The following DAPK1 variants were observed in gnomAD, a reference collection of about 807,000 sequenced individuals.
The protein encoded by DAPK1 is death associated protein kinase 1.
In DAPK1, 56 loss-of-function variants were observed where a neutral mutation model predicts 144.9. The observed-to-expected ratio is 0.39, with a 90% confidence interval of 0.31 to 0.48. DAPK1 has a LOEUF of 0.48. Ranked by LOEUF, DAPK1 falls within the 20% of genes least tolerant of loss-of-function variation. DAPK1 has a pLI of 0.95. For missense variants in DAPK1, 1,454 were observed against 1,875.4 expected, an observed-to-expected ratio of 0.78 and a Z score of 4.15; for synonymous variants, 690 against 749.0, an observed-to-expected ratio of 0.92 and a Z score of 1.29.
At chr9:87,597,764 C>T (rs1342585857) in intron 2 of DAPK1, among the ~76,000 whole-genome samples, 1 of 152,126 alleles carries the variant, frequency 6.6e-6, no homozygotes, top group Non-Finnish European at 1.5e-5. Flanking sequence ...TGACGCCTCC[C>T]TGCCGCTCCT....
Position 87,707,219 on chromosome 9 carries a change from T to A in DAPK1, c.4148T>A (p.Leu1383Gln). 3 of 1,614,238 alleles carry A rather than the reference T, an allele frequency of 1.9e-6. No homozygotes were observed. The highest frequency in any genetic ancestry group is 2.5e-6 in the Non-Finnish European group (3 of 1,180,044). ...VGTLMSKLRE[L>Q]GRRDAADFLL... The stretch of plus-strand genomic sequence containing the variant: ...ACCCTCATGTCCAAACTGAGGGAGC[T>A]GGGTCGCCGGGATGCCGCAGACTTT... Residue 1383 changes from leucine (L) to glutamine (Q), a missense_variant, in exon 26 of 26, where the codon CTG becomes CAG. By Grantham distance (113) the Leu-to-Gln change is moderately radical. Around this residue, in one of 2 missense-constraint regions of DAPK1, gnomAD observed 1,025 missense variants for 1,237.9 expected, o/e 0.83. Transcript: ENST00000408954. The surrounding 1 kb of genome is among the most constrained non-coding windows in gnomAD (Gnocchi z 4.0).
intron 2 of DAPK1, among the ~76,000 whole-genome samples, chr9:87,598,003 T>A (rs1828381524): frequency 2.6e-5 from 4 of 152,230 alleles, no homozygotes. Flanking sequence ...CAGTGAAGTA[T>A]TTCATGCTTG....
intron 2 of DAPK1, among the ~76,000 whole-genome samples, chr9:87,566,570 CAGGTTATTTAA>C (rs1827134035): frequency 6.6e-6 from 1 of 152,038 alleles, no homozygotes; most frequent in Non-Finnish European, 1.5e-5. Context: ...TAAGTAAGCT[CAGGTTATTTAA>C]AGGATCTACC....
intron 20 of DAPK1, among the ~76,000 whole-genome samples, chr9:87,682,021 C>A (rs1273442575): frequency 6.6e-6 from 1 of 152,194 alleles, no homozygotes; most frequent in Admixed American, 6.5e-5. Context: ...AGCACAGATC[C>A]AATAGCAGCC....
intron 2 of DAPK1, 89 bp downstream of exon 2, chr9:87,499,228 C>T: frequency 8.6e-7 from 1 of 1,160,066 alleles, no homozygotes; most frequent in Non-Finnish European, 1.3e-6. Flanking sequence ...CAGTTTGAAT[C>T]AGGCGTCTCC....
At chr9:87,516,196 C>T (rs970387359) in intron 2 of DAPK1, among the ~76,000 whole-genome samples, 7 of 152,294 alleles carry the variant, frequency 4.6e-5, no homozygotes, top group African/African-American at 9.6e-5. Flanking sequence ...GATTCTGTCT[C>T]CAGCATTACT....
chr9:87,565,434 CT>C (rs962968016), intron 2 of DAPK1, among the ~76,000 whole-genome samples: 30 of 152,272 alleles, frequency 2.0e-4, no homozygotes, highest in African/African-American at 7.2e-4. Context: ...CCAATGCCCC[CT>C]ATTTTATGGT....
At chr9:87,543,959 G>T (rs901806095) in intron 2 of DAPK1, among the ~76,000 whole-genome samples, 8 of 152,156 alleles carry the variant, frequency 5.3e-5, no homozygotes, top group Non-Finnish European at 8.8e-5. Flanking sequence ...AAATAATAAA[G>T]GTAGAAATTG....
At chr9:87,502,161 A>G (rs2118002699) in intron 2 of DAPK1, among the ~76,000 whole-genome samples, 1 of 152,168 alleles carries the variant, frequency 6.6e-6, no homozygotes, top group African/African-American at 2.4e-5. Flanking sequence ...CTTATAGGAA[A>G]AGGGTCATGG....
intron 2 of DAPK1, among the ~76,000 whole-genome samples, chr9:87,501,550 A>G (rs1473398589): frequency 6.6e-6 from 1 of 151,476 alleles, no homozygotes; most frequent in Non-Finnish European, 1.5e-5. Context: ...GTCTCAAAAA[A>G]AAAAGAAAGA....
At chr9:87,558,227 G>GTTAC in intron 2 of DAPK1, among the ~76,000 whole-genome samples, 1 of 152,192 alleles carries the variant, frequency 6.6e-6, no homozygotes, top group Middle Eastern at 3.4e-3. Flanking sequence ...GGACTCACAT[G>GTTAC]TTACTGCACA....
chr9:87,561,422 A>G, intron 2 of DAPK1, among the ~76,000 whole-genome samples: 1 of 151,928 alleles, frequency 6.6e-6, no homozygotes, highest in Admixed American at 6.6e-5. Flanking sequence ...GCTACTCGGG[A>G]GGCTGAGGCA....
chr9:87,518,099 GTTGTTGTTTTTTTT>G (rs1251921616), intron 2 of DAPK1, among the ~76,000 whole-genome samples: 101 of 126,048 alleles, frequency 8.0e-4, no homozygotes, highest in African/African-American at 3.2e-3. Context: ...TGCCGTTTAT[GTTGTTGTTTTTTTT>G]TTTTTTTTTT....
chr9:87,577,017 G>A (rs1827586616), intron 2 of DAPK1, among the ~76,000 whole-genome samples: 1 of 152,232 alleles, frequency 6.6e-6, no homozygotes, highest in African/African-American at 2.4e-5. Context: ...TCCTTTCTCT[G>A]CCTTGATTGT....
At chr9:87,572,608 G>A (rs1827399360) in intron 2 of DAPK1, among the ~76,000 whole-genome samples, 1 of 152,074 alleles carries the variant, frequency 6.6e-6, no homozygotes, top group African/African-American at 2.4e-5. Flanking sequence ...TGAAAAGTGT[G>A]TGGTTCCTCC....
At chr9:87,623,249 T>C (rs537729674) in intron 3 of DAPK1, among the ~76,000 whole-genome samples, 2 of 152,342 alleles carry the variant, frequency 1.3e-5, no homozygotes, top group South Asian at 4.1e-4. Context: ...CCTTCTTGGA[T>C]GCTAAAAGAA....
chr9:87,693,258 GTTTAT>G (rs1420498941), intron 21 of DAPK1, among the ~76,000 whole-genome samples: 1 of 150,892 alleles, frequency 6.6e-6, no homozygotes, highest in Non-Finnish European at 1.5e-5. Context: ...CAAGAGTTTT[GTTTAT>G]TTTTTTATTT....
At chr9:87,656,807 A>G (rs111317011) in intron 17 of DAPK1, among the ~76,000 whole-genome samples, 10 of 152,226 alleles carry the variant, frequency 6.6e-5, no homozygotes, top group African/African-American at 2.4e-4. Context: ...GAGGTGGGCT[A>G]TGACCACATC....
At chr9:87,597,741 T>G (rs1587752345) in intron 2 of DAPK1, among the ~76,000 whole-genome samples, 2 of 152,098 alleles carry the variant, frequency 1.3e-5, no homozygotes, top group East Asian at 3.9e-4. Context: ...GGGCCCTGTT[T>G]GTGTGTCTGA....
Sources: gnomAD v4.1 joint callset for allele counts (sites outside exome capture counted in the v4.1 genomes callset) on GRCh38, gnomAD v4.1.1 for gene constraint, gnomAD v4.1.1 regional missense constraint, Gnocchi (gnomAD v3.1) non-coding constraint, MANE v1.5 for transcripts, NCBI Gene and HGNC (gene_info 2026-07-23, HGNC 2026-07-21) for gene names.